PHF21A: variants seen among roughly 807,000 people sequenced by gnomAD.
The protein encoded by PHF21A is BHC80a.
In PHF21A, 11 loss-of-function variants were observed where a neutral mutation model predicts 82.5. The observed-to-expected ratio is 0.13, with a 90% CI of 0.08 to 0.22. The LOEUF is 0.22. PHF21A is among the 10% of genes least tolerant of loss of function. PHF21A has a pLI of 1.00. For synonymous variants in PHF21A, 297 were observed against 302.8 expected, an observed-to-expected ratio of 0.98 and a Z score of 0.20; for missense variants, 579 against 837.8, an observed-to-expected ratio of 0.69 and a Z score of 3.81.
intron 3 of PHF21A, among the ~76,000 whole-genome samples, chr11:46,085,152 T>C (rs937995209): frequency 6.6e-6 from 1 of 152,122 alleles, no homozygotes; most frequent in African/African-American, 2.4e-5. Flanking sequence ...ATTTAACAAA[T>C]TAATACTCAA....
At chr11:46,073,231 A>C (rs1337690745) in intron 6 of PHF21A, among the ~76,000 whole-genome samples, 3 of 151,618 alleles carry the variant, frequency 2.0e-5, no homozygotes, top group Admixed American at 2.0e-4. Flanking sequence ...GGGAGGCTGA[A>C]GTGGGAGAAT....
chr11:46,114,583 G>A (rs2097264777), intron 1 of PHF21A, among the ~76,000 whole-genome samples: 1 of 152,080 alleles, frequency 6.6e-6, no homozygotes, highest in Non-Finnish European at 1.5e-5. Flanking sequence ...CTGTCCATAA[G>A]GCCAGAGATA....
chr11:45,994,260 A>G (rs2094825985), intron 6 of PHF21A, among the ~76,000 whole-genome samples: 1 of 152,138 alleles, frequency 6.6e-6, no homozygotes, highest in African/African-American at 2.4e-5. Flanking sequence ...ATCATAGCAA[A>G]CTTTACTTAC....
intron 6 of PHF21A, among the ~76,000 whole-genome samples, chr11:46,062,418 T>C (rs780540438): frequency 3.9e-5 from 6 of 152,178 alleles, no homozygotes; most frequent in Non-Finnish European, 7.3e-5. Context: ...CATCTATTTA[T>C]TGAGAAACAA....
chr11:45,998,650 T>A (rs1161525691), intron 6 of PHF21A, among the ~76,000 whole-genome samples: 1 of 151,498 alleles, frequency 6.6e-6, no homozygotes, highest in East Asian at 1.9e-4. Context: ...GTAGCTGGGA[T>A]TACAGGTATG....
At chr11:46,094,980 A>G (rs1304478008) in intron 1 of PHF21A, among the ~76,000 whole-genome samples, 2 of 152,218 alleles carry the variant, frequency 1.3e-5, no homozygotes, top group Non-Finnish European at 2.9e-5. Context: ...ACTGCTTCCT[A>G]CTATATGCTA....
intron 1 of PHF21A, among the ~76,000 whole-genome samples, chr11:46,106,876 C>A (rs893810921): frequency 1.3e-5 from 2 of 152,156 alleles, no homozygotes; most frequent in Non-Finnish European, 2.9e-5. Context: ...TCTTTTAAAG[C>A]TCACCTCTCT....
At position 46,076,736 on chromosome 11, in the gene PHF21A, C is replaced by A. The variant is rs769036880; in HGVS notation, c.153+18G>T. Reference sequence around the variant, plus strand: ...GAACACAACGTTAAAAATATGCCCCCCTCCCCTTTTCCCCTACCTGTTTCT... The same window carrying A: ...GAACACAACGTTAAAAATATGCCCCACTCCCCTTTTCCCCTACCTGTTTCT... On this transcript the variant is annotated intron_variant, in intron 6 of 18. Coordinates refer to ENST00000676320, the MANE Select transcript of PHF21A (RefSeq NM_001352027.3). The A allele has an allele frequency of 1.9e-6, 3 of 1,599,490 alleles. No individual in the cohort carries two copies. Among genetic ancestry groups the A allele is most frequent in the South Asian group, 1.1e-5 (1 of 89,646 alleles).
At chr11:46,087,292 G>A (rs1470260346) in intron 3 of PHF21A, among the ~76,000 whole-genome samples, 1 of 152,188 alleles carries the variant, frequency 6.6e-6, no homozygotes, top group Non-Finnish European at 1.5e-5. Flanking sequence ...GGTTTAACTT[G>A]AAGACTGTAA....
In PHF21A at chr11:45,934,055, A is replaced by AG. The variant is rs761575760; in HGVS notation, c.1958dup (p.Ala654CysfsTer22). The stretch of plus-strand genomic sequence containing the variant: ...CCGGCGTGGAGGTGGCGGCATTGGC[A>AG]GGGGGGGTGCAGTCCGGGCCATTGG... On this transcript the variant is annotated frameshift_variant, in exon 19 of 19. Coordinates refer to ENST00000676320, the MANE Select transcript of PHF21A (RefSeq NM_001352027.3). LOFTEE classifies it high-confidence loss of function. 5.6e-6 allele frequency: 9 copies of AG among 1,613,230 alleles called. No homozygotes were observed. The highest frequency in any genetic ancestry group is 8.5e-7 in the Non-Finnish European group (1 of 1,179,602).
intron 6 of PHF21A, among the ~76,000 whole-genome samples, chr11:46,062,543 C>T (rs1010257268): frequency 3.3e-5 from 5 of 152,008 alleles, no homozygotes; most frequent in African/African-American, 9.7e-5. Context: ...TCTTCTTTTA[C>T]GGATCTAGGG....
intron 1 of PHF21A, chr11:46,119,718 A>T (rs1852479708): frequency 6.9e-6 from 1 of 145,690 alleles, no homozygotes; most frequent in Admixed American, 6.9e-5. Flanking sequence ...CCTTGCTGCT[A>T]CCCACCATCG....
chr11:46,019,026 C>G (rs532974449), intron 6 of PHF21A, among the ~76,000 whole-genome samples: 1 of 149,760 alleles, frequency 6.7e-6, no homozygotes, highest in South Asian at 2.1e-4. Context: ...CAAAATAAGG[C>G]AAGAAAAAGA....
At chr11:46,082,543 A>C (rs1410716175) in intron 4 of PHF21A, among the ~76,000 whole-genome samples, 1 of 152,214 alleles carries the variant, frequency 6.6e-6, no homozygotes, top group African/African-American at 2.4e-5. Context: ...CACAAGCAAA[A>C]TGTTGTATAA....
chr11:46,075,543 CTG>C (rs1176152393), intron 6 of PHF21A, among the ~76,000 whole-genome samples: 24 of 152,336 alleles, frequency 1.6e-4, no homozygotes, highest in African/African-American at 5.0e-4. Context: ...CTAACCGACT[CTG>C]TTTATATTTT....
At chr11:46,118,353 G>T (rs1851970163) in intron 1 of PHF21A, among the ~76,000 whole-genome samples, 1 of 151,306 alleles carries the variant, frequency 6.6e-6, no homozygotes, top group Admixed American at 6.6e-5. Flanking sequence ...TTTATTATGG[G>T]CAGCCAAGCA....
intron 1 of PHF21A, among the ~76,000 whole-genome samples, chr11:46,098,446 A>G (rs538858080): frequency 4.6e-5 from 7 of 152,360 alleles, no homozygotes; most frequent in Admixed American, 2.0e-4. Flanking sequence ...GTCTTCTTAC[A>G]ATATAAACAA....
intron 6 of PHF21A, among the ~76,000 whole-genome samples, chr11:46,018,989 CTG>C (rs2095575723): frequency 6.6e-6 from 1 of 151,968 alleles, no homozygotes; most frequent in Non-Finnish European, 1.5e-5. Context: ...GAAGCTAAAA[CTG>C]TGTTTAAAGA....
chr11:46,046,866 C>T (rs904330296), intron 6 of PHF21A, among the ~76,000 whole-genome samples: 2 of 152,170 alleles, frequency 1.3e-5, no homozygotes, highest in Admixed American at 6.5e-5. Flanking sequence ...CACAGTAAGA[C>T]ACCAGTTGGC....
Sources: gnomAD v4.1 joint callset for allele counts (sites outside exome capture counted in the v4.1 genomes callset) on GRCh38, gnomAD v4.1.1 for gene constraint, MANE v1.5 for transcripts, NCBI Gene and HGNC (gene_info 2026-07-23, HGNC 2026-07-21) for gene names.